MYH7B: variants seen among roughly 807,000 people sequenced by gnomAD.
MYH7B encodes the protein myosin heavy chain 7B, also known as myosin-7B.
Under a neutral mutation model 234.5 loss-of-function variants are expected in MYH7B, and 205 were observed. The observed-to-expected ratio is 0.87, with a 90% CI of 0.78 to 0.98. The LOEUF (loss-of-function observed/expected upper bound fraction) is 0.98, where lower values mean the gene tolerates loss of function less well. MYH7B is among the 50% of genes least tolerant of loss of function. The pLI, the probability that MYH7B is intolerant of heterozygous loss-of-function variation, is 0.00. For synonymous variants in MYH7B, 1,193 were observed against 1,105.0 expected (o/e 1.08, Z -1.58); for missense variants, 2,652 against 2,633.4 (o/e 1.01, Z -0.15).
At chr20:35,001,581 G>A (rs1330369996) in intron 43 of MYH7B, 55 bp downstream of exon 43, 3 of 1,484,936 alleles carry the variant, frequency 2.0e-6, no homozygotes, top group Admixed American at 1.9e-5. Flanking sequence ...CTGCCCCAGG[G>A]TCTGTGGCCA....
exon 29 of MYH7B, chr20:34,996,351 G>A: frequency 6.3e-7 from 1 of 1,587,136 alleles, no homozygotes; most frequent in Non-Finnish European, 8.6e-7. Flanking sequence ...CACAGGTGAA[G>A]AACCTGACGG....
intron 2 of MYH7B, among the ~76,000 whole-genome samples, chr20:34,964,712 A>G (rs2081727793): frequency 6.6e-6 from 1 of 152,224 alleles, no homozygotes. Context: ...TGAGACCAGG[A>G]GATAGAGACC....
chr20:34,985,113 C>T lies in MYH7B; in HGVS notation c.789C>T (p.Ser263=), dbSNP rs372654892. Residue 263 remains serine, a synonymous_variant, in exon 13 of 45, where the codon TCC becomes TCT. Transcript: ENST00000262873. ...TTGGTCCCTCTGGGAAGCTGGCATC[C>T]GCGGATATTGACAGCTGTGAGTCAA... The T allele has an allele frequency of 6.3e-5, 102 of 1,613,960 alleles. No homozygotes were observed. Among genetic ancestry groups the T allele is most frequent in the Non-Finnish European group, 7.9e-5 (93 of 1,179,970 alleles).
rs149534759 is a variant in MYH7B, at chr20:34,981,192, C to G, written c.527+132C>G. The G allele has an allele frequency of 7.8e-6, 9 of 1,159,436 alleles. No homozygotes were observed. In the African/African-American group the frequency reaches 1.1e-4, roughly 14 times the overall value. The allele number at this position is 1,159,436 out of a possible 1,614,324, so 71.8% of individuals were successfully genotyped here. On this transcript the variant is annotated intron_variant, in intron 9 of 44. Transcript: ENST00000262873. ...GACTTTTACCACCTGGAGCTAGTGT[C>G]CCAGCTGAAGCTAAATTAGGCCTGA...
intron 5 of MYH7B, 59 bp downstream of exon 5, chr20:34,978,155 C>T: frequency 1.3e-6 from 2 of 1,596,172 alleles, no homozygotes; most frequent in Non-Finnish European, 1.7e-6. Context: ...TGGACTCAGA[C>T]CAGGAATTGG....
intron 10 of MYH7B, 54 bp from the exon 11 acceptor site, chr20:34,984,638 G>T: frequency 1.4e-6 from 1 of 733,858 alleles, no homozygotes; most frequent in East Asian, 4.2e-5. Flanking sequence ...GCCCCACCCC[G>T]CCCTTCCCCA....
chr20:34,997,105 C>G (rs1482013751), exon 31 of MYH7B: 3 of 1,548,552 alleles, frequency 1.9e-6, no homozygotes, highest in Non-Finnish European at 2.6e-6. Flanking sequence ...GCTGAGCCAG[C>G]TGAGCCTGCG....
At position 34,990,799 on chromosome 20, in the gene MYH7B, T is replaced by C. The variant is rs753795511; in HGVS notation, c.2039T>C (p.Ile680Thr). The change falls in exon 23 of 45, where the codon ATT becomes ACT. Residue 680 changes from isoleucine to threonine, a missense_variant. Around this residue, in one of 3 missense-constraint regions of MYH7B, gnomAD observed 2,279 missense variants for 2,211.4 expected, o/e 1.03. Transcript: ENST00000262873. ...ACACAGCCCCACTTCGTCCGCTGCA[T>C]TGTCCCCAACGAGAACAAAACCCCA... The C allele has an allele frequency of 2.7e-5, 44 of 1,614,146 alleles. No individual in the cohort carries two copies. The highest frequency in any genetic ancestry group is 3.4e-5 in the Non-Finnish European group (40 of 1,180,032).
intron 2 of MYH7B, among the ~76,000 whole-genome samples, chr20:34,967,789 T>C (rs2081756810): frequency 6.6e-6 from 1 of 152,170 alleles, no homozygotes; most frequent in Non-Finnish European, 1.5e-5. Context: ...AGCACTGAAC[T>C]ACATGGGAAA....
chr20:34,988,388 G>C (rs2082073681), intron 19 of MYH7B, 126 bp downstream of exon 19: 1 of 1,082,490 alleles, frequency 9.2e-7, no homozygotes, highest in African/African-American at 1.6e-5. Flanking sequence ...GTGCGTTGCA[G>C]TAAGCATGCA....
intron 15 of MYH7B, 70 bp from the exon 16 acceptor site, chr20:34,987,079 G>C (rs1295041499): frequency 4.3e-6 from 7 of 1,609,726 alleles, no homozygotes; most frequent in Non-Finnish European, 5.1e-6. Context: ...GAATGGTCCC[G>C]GGGCAGTGCC....
chr20:34,976,483 G>T (rs543741807), intron 3 of MYH7B, among the ~76,000 whole-genome samples: 7 of 152,330 alleles, frequency 4.6e-5, no homozygotes, highest in Admixed American at 1.3e-4. Flanking sequence ...CCTGAATGGG[G>T]TGATGGACAG....
At chr20:34,988,646 C>T (rs995785205) in intron 19 of MYH7B, among the ~76,000 whole-genome samples, 1 of 151,980 alleles carries the variant, frequency 6.6e-6, no homozygotes, top group African/African-American at 2.4e-5. Context: ...GGTGTGTTTC[C>T]TTGTTTTTGT....
intron 8 of MYH7B, 35 bp from the exon 9 acceptor site, chr20:34,980,998 T>C (rs749171130): frequency 6.2e-7 from 1 of 1,614,048 alleles, no homozygotes. Flanking sequence ...CCCCACACCT[T>C]GGCTGACTTC....
At chr20:34,985,107 G>A in exon 13 of MYH7B, 4 of 1,614,108 alleles carry the variant, frequency 2.5e-6, no homozygotes, top group Non-Finnish European at 3.4e-6. Flanking sequence ...CTGGGAAGCT[G>A]GCATCCGCGG....
intron 7 of MYH7B, 129 bp from the exon 8 acceptor site, chr20:34,980,449 C>A: frequency 1.3e-6 from 1 of 798,874 alleles, no homozygotes; most frequent in Non-Finnish European, 2.1e-6. Context: ...CCCTGGGAGG[C>A]TGAGGCAGGA....
chr20:35,002,302 T>A, exon 45 of MYH7B: 1 of 1,245,032 alleles, frequency 8.0e-7, no homozygotes, highest in Non-Finnish European at 1.1e-6. Context: ...CAGCCTTCCC[T>A]GGGCCCTGAA....
intron 35 of MYH7B, 42 bp from the exon 36 acceptor site, chr20:34,999,014 C>A: frequency 6.3e-7 from 1 of 1,585,140 alleles, no homozygotes; most frequent in Non-Finnish European, 8.6e-7. Flanking sequence ...GGCTGTTCTC[C>A]CTCCTTCCAT....
Position 34,987,605 on chromosome 20 carries a change from T to C in MYH7B, c.1196T>C (p.Leu399Pro). 1.2e-6 allele frequency: 2 copies of C among 1,614,054 alleles called. No homozygotes were observed. The highest frequency in any genetic ancestry group is 1.1e-5 in the South Asian group (1 of 91,076). ...ATGGGGGTCAGCAGTGGGGACCTCC[T>C]CAAAGGCCTTTTGCACCCCCGGGTG... The change falls in exon 17 of 45, where the codon CTC (leucine) becomes CCC (proline). Residue 399 changes from leucine to proline, a missense_variant. Physicochemically the swap from Leu to Pro is moderately conservative, Grantham distance 98 (BLOSUM62 -3). Transcript: ENST00000262873.
Sources: allele counts gnomAD v4.1 joint callset (sites outside exome capture counted in the v4.1 genomes callset), GRCh38; gene constraint gnomAD v4.1.1; regional missense constraint gnomAD v4.1.1; transcripts MANE v1.5; gene names NCBI Gene and HGNC (gene_info 2026-07-23, HGNC 2026-07-21).